The following GNAQ variants were observed in gnomAD, a reference collection of about 807,000 sequenced individuals.
GNAQ encodes the protein guanine nucleotide-binding protein G(q) subunit alpha.
GNAQ carries 8 observed loss-of-function variants against 43.9 expected under a neutral mutation model. The observed-to-expected ratio is 0.18, with a 90% CI of 0.11 to 0.33. GNAQ has a LOEUF of 0.33. GNAQ is among the 10% of genes least tolerant of loss of function. GNAQ has a pLI of 1.00. For synonymous variants in GNAQ, 155 were observed against 170.7 expected, an observed-to-expected ratio of 0.91 and a Z score of 0.71; for missense variants, 158 against 450.8, an observed-to-expected ratio of 0.35 and a Z score of 5.88.
intron 2 of GNAQ, among the ~76,000 whole-genome samples, chr9:77,909,953 A>G (rs1303434839): frequency 6.6e-6 from 1 of 152,186 alleles, no homozygotes; most frequent in East Asian, 1.9e-4. Context: ...GCTGATATTC[A>G]TGTTTGGATA....
At chr9:77,822,604 A>G (rs1827134103) in intron 2 of GNAQ, among the ~76,000 whole-genome samples, 1 of 151,746 alleles carries the variant, frequency 6.6e-6, no homozygotes, top group Admixed American at 6.6e-5. Flanking sequence ...CGAAAAAATA[A>G]AAAGAACAAG....
chr9:77,844,525 A>T (rs1397586784), intron 2 of GNAQ, among the ~76,000 whole-genome samples: 1 of 152,240 alleles, frequency 6.6e-6, no homozygotes, highest in African/African-American at 2.4e-5. Context: ...TAAGTATAAG[A>T]TGGATCCCTA....
intron 2 of GNAQ, among the ~76,000 whole-genome samples, chr9:77,837,797 C>T (rs1286375726): frequency 6.6e-6 from 1 of 151,102 alleles, no homozygotes; most frequent in African/African-American, 2.4e-5. Flanking sequence ...AAAAGAAATA[C>T]AGCAAAATAT....
rs575773718 is a variant in GNAQ, at chr9:77,733,796, A to T, written c.736-5129T>A. Among the ~76,000 whole-genome samples, 7 of 152,334 alleles carry T rather than the reference A, an allele frequency of 4.6e-5. No homozygotes were observed. In the South Asian group the frequency reaches 1.2e-3, roughly 27 times the overall value. On this transcript the variant is annotated intron_variant, in intron 5 of 6. Transcript: ENST00000286548. ...TAGGCCCAAAGCAGTGATAAGTAGG[A>T]GATGCTGGGGTGACACAGAAGGAAA... is the stretch of plus-strand genomic sequence containing the variant.
intron 2 of GNAQ, among the ~76,000 whole-genome samples, chr9:77,852,381 A>C (rs994905043): frequency 6.6e-6 from 1 of 152,234 alleles, no homozygotes. Context: ...GTGCTTTGGC[A>C]GAGCAATGAA....
intron 2 of GNAQ, among the ~76,000 whole-genome samples, chr9:77,825,382 C>T (rs1330539365): frequency 6.6e-6 from 1 of 152,174 alleles, no homozygotes; most frequent in Non-Finnish European, 1.5e-5. Flanking sequence ...TAGCAACTGC[C>T]CACTGACCCT....
In GNAQ at chr9:77,856,515, T is replaced by A. The variant is rs138956960; in HGVS notation, c.322-40745A>T. The stretch of plus-strand genomic sequence containing the variant: ...GTAAGTGAATAATATCAGTATTTCA[T>A]ACACAATAGTTTACAATTGGCAGCA... On this transcript the variant is annotated intron_variant, in intron 2 of 6. Transcript: ENST00000286548. 1.1e-3 allele frequency among the ~76,000 whole-genome samples: 165 copies of A among 152,330 alleles called. 2 individuals carry two copies. In the East Asian group the frequency reaches 0.025, roughly 23 times the overall value.
At chr9:77,857,267 A>T (rs1274781921) in intron 2 of GNAQ, among the ~76,000 whole-genome samples, 2 of 152,238 alleles carry the variant, frequency 1.3e-5, no homozygotes, top group African/African-American at 4.8e-5. Context: ...CTCTGTTGTG[A>T]AATTCAATCA....
chr9:77,938,997 G>A (rs908987795), intron 1 of GNAQ, among the ~76,000 whole-genome samples: 2 of 152,226 alleles, frequency 1.3e-5, no homozygotes, highest in Non-Finnish European at 2.9e-5. Context: ...TGTAGCAAAT[G>A]GCTGCATGAA....
chr9:78,020,536 G>A (rs796371607), intron 1 of GNAQ, among the ~76,000 whole-genome samples: 7 of 152,300 alleles, frequency 4.6e-5, no homozygotes, highest in African/African-American at 1.7e-4. Flanking sequence ...CCATCTGGGT[G>A]AGGAAGGGCA....
intron 1 of GNAQ, among the ~76,000 whole-genome samples, chr9:77,949,963 T>C (rs1465559584): frequency 1.3e-5 from 2 of 152,148 alleles, no homozygotes; most frequent in Non-Finnish European, 2.9e-5. Flanking sequence ...TCTTGCTCCA[T>C]CTGGTGTAAA....
At chr9:77,793,710 T>A (rs757479199) in intron 5 of GNAQ, among the ~76,000 whole-genome samples, 1 of 151,890 alleles carries the variant, frequency 6.6e-6, no homozygotes, top group Non-Finnish European at 1.5e-5. Context: ...AACACACACA[T>A]ACACATGCAC....
intron 6 of GNAQ, among the ~76,000 whole-genome samples, chr9:77,722,210 C>G (rs766764158): frequency 1.3e-5 from 2 of 151,516 alleles, no homozygotes; most frequent in Non-Finnish European, 2.9e-5. Context: ...GATCTCAGCT[C>G]ACTGCAACCT....
chr9:77,978,300 A>G (rs1317887794), intron 1 of GNAQ, among the ~76,000 whole-genome samples: 1 of 152,100 alleles, frequency 6.6e-6, no homozygotes, highest in Non-Finnish European at 1.5e-5. Context: ...TTTTGTCTCT[A>G]GTTTTCTTGA....
chr9:77,931,162 G>A (rs1435669700), intron 1 of GNAQ, among the ~76,000 whole-genome samples: 3 of 147,856 alleles, frequency 2.0e-5, no homozygotes, highest in Non-Finnish European at 4.5e-5. Context: ...TCATTGAGAT[G>A]CTTGTAGGAC....
intron 3 of GNAQ, among the ~76,000 whole-genome samples, chr9:77,810,436 G>A (rs1465483524): frequency 6.6e-6 from 1 of 152,180 alleles, no homozygotes; most frequent in Non-Finnish European, 1.5e-5. Flanking sequence ...AGACGGGGAT[G>A]CTAATAACTA....
At chr9:77,941,984 TATA>T (rs1829321545) in intron 1 of GNAQ, among the ~76,000 whole-genome samples, 1 of 151,574 alleles carries the variant, frequency 6.6e-6, no homozygotes, top group Non-Finnish European at 1.5e-5. Flanking sequence ...TAGAAAAATC[TATA>T]ATAAAGTGTT....
intron 1 of GNAQ, among the ~76,000 whole-genome samples, chr9:77,953,371 T>C (rs984395310): frequency 1.3e-5 from 2 of 152,254 alleles, no homozygotes; most frequent in African/African-American, 4.8e-5. Context: ...ATGTTTATGA[T>C]ACAAAGAAAA....
intron 1 of GNAQ, among the ~76,000 whole-genome samples, chr9:78,008,310 TGAA>T (rs1243185119): frequency 6.6e-6 from 1 of 152,210 alleles, no homozygotes; most frequent in African/African-American, 2.4e-5. Context: ...ACATCTGCTG[TGAA>T]GAAGGGCCTT....
Sources: allele counts gnomAD v4.1 joint callset (sites outside exome capture counted in the v4.1 genomes callset), GRCh38; gene constraint gnomAD v4.1.1; transcripts MANE v1.5; gene names NCBI Gene and HGNC (gene_info 2026-07-23, HGNC 2026-07-21).